The following ENTPD5 variants were observed in gnomAD, a reference collection of about 807,000 sequenced individuals.
The protein encoded by ENTPD5 is nucleoside diphosphate phosphatase ENTPD5.
In ENTPD5, 49 loss-of-function variants were observed where a neutral mutation model predicts 60.2. The observed-to-expected ratio is 0.81, with a 90% CI of 0.65 to 1.03. The LOEUF (loss-of-function observed/expected upper bound fraction) is 1.03. Among genes scored for constraint, ENTPD5 ranks in the 50% least tolerant of loss-of-function variants. The pLI, the probability that ENTPD5 is intolerant of heterozygous loss-of-function variation, is 0.00. For synonymous variants in ENTPD5, 187 were observed against 185.4 expected, an observed-to-expected ratio of 1.01 and a Z score of -0.07; for missense variants, 480 against 507.6, an observed-to-expected ratio of 0.95 and a Z score of 0.52.
At chr14:74,014,481 G>T (rs2058951470) in intron 2 of ENTPD5, among the ~76,000 whole-genome samples, 1 of 152,118 alleles carries the variant, frequency 6.6e-6, no homozygotes, top group East Asian at 1.9e-4. Context: ...ACCCCAGAAG[G>T]TTAAGGCTGC....
downstream of ENTPD5, chr14:73,961,571 GT>G: frequency 6.2e-7 from 1 of 1,614,086 alleles, no homozygotes; most frequent in Non-Finnish European, 8.5e-7. Flanking sequence ...AAGGACTTAG[GT>G]AAGGATTCAG....
intron 13 of ENTPD5, 32 bp downstream of exon 13, chr14:73,972,851 TC>T: frequency 6.2e-7 from 1 of 1,611,036 alleles, no homozygotes; most frequent in Non-Finnish European, 8.5e-7. Flanking sequence ...CTATCCACCT[TC>T]CTCTCTGGAC....
chr14:73,973,718 T>G (rs748103709), intron 12 of ENTPD5, among the ~76,000 whole-genome samples, 159 bp downstream of exon 12: 1 of 152,246 alleles, frequency 6.6e-6, no homozygotes, highest in Non-Finnish European at 1.5e-5. Context: ...CTTTGTTCAC[T>G]GTCACTTCAC....
At position 73,996,020 on chromosome 14, in the gene ENTPD5, C is replaced by T. The variant is rs375826627; in HGVS notation, c.-70-7848G>A. 282 of 371,808 alleles carry T rather than the reference C, an allele frequency of 7.6e-4. 4 individuals carry two copies. The South Asian group carries it at 0.029, about 38-fold the overall frequency. The allele number at this position is 371,808 out of a possible 1,614,324, so 23.0% of individuals were successfully genotyped here. ...TCCTCCCCACTCAGCTTTCCCAGAA[C>T]GTCACACTCTGGCTTCCCTTCTTCC... On this transcript the variant is annotated intron_variant, in intron 3 of 15. Transcript: ENST00000334696.
downstream of ENTPD5, chr14:73,959,594 T>C (rs2056613790): frequency 6.2e-7 from 1 of 1,606,300 alleles, no homozygotes; most frequent in African/African-American, 1.3e-5. Flanking sequence ...TTTTTTTTTT[T>C]GAAACGGATC....
intron 5 of ENTPD5, 30 bp from the exon 6 acceptor site, chr14:73,983,191 G>C (rs765095284): frequency 7.5e-6 from 12 of 1,592,448 alleles, no homozygotes; most frequent in Non-Finnish European, 1.0e-5. Context: ...TTCATCTGAT[G>C]AACGATCCAT....
intron 3 of ENTPD5, among the ~76,000 whole-genome samples, chr14:73,989,832 CAAAAAAAAAA>C (rs57558687): frequency 5.7e-5 from 3 of 52,360 alleles, no homozygotes; most frequent in African/African-American, 8.5e-5. Flanking sequence ...GACTCAGTCT[CAAAAAAAAAA>C]AAAAAAAAAA....
chr14:74,000,217 G>A lies in ENTPD5; in HGVS notation c.-71+10874C>T, dbSNP rs59645412. ...CACGTCTGTAATCCTAGCACTTTGGGAGGCCAAGGCAGGCAGATTGCTTGA... is the reference window on the plus strand; with the variant it reads ...CACGTCTGTAATCCTAGCACTTTGGAAGGCCAAGGCAGGCAGATTGCTTGA... On this transcript the variant is annotated intron_variant, in intron 3 of 15. Transcript: ENST00000334696. 1.6e-3 allele frequency among the ~76,000 whole-genome samples: 236 copies of A among 152,050 alleles called. 5 individuals are homozygous for A. Among genetic ancestry groups the A allele is most frequent in the African/African-American group, 5.5e-3 (229 of 41,424 alleles).
Position 73,967,018 on chromosome 14 carries a change from T to C in ENTPD5, c.1201-4A>G. 1.2e-6 allele frequency: 2 copies of C among 1,613,250 alleles called. No homozygotes were observed. Among genetic ancestry groups the C allele is most frequent in the Non-Finnish European group, 1.7e-6 (2 of 1,179,310 alleles). On this transcript the variant is annotated splice_region_variant and splice_polypyrimidine_tract_variant and intron_variant, in intron 15 of 15. Coordinates refer to ENST00000334696, the MANE Select transcript of ENTPD5 (RefSeq NM_001249.5). The stretch of plus-strand genomic sequence containing the variant: ...TGTTGTTCACTTTCTTTGTGAGCTG[T>C]TGAGAAGAAAAAAAGTCTTCACCTT...
chr14:74,018,251 TCAGAAA>T (rs1385933220), intron 1 of ENTPD5, among the ~76,000 whole-genome samples: 1 of 151,530 alleles, frequency 6.6e-6, no homozygotes, highest in Non-Finnish European at 1.5e-5. Context: ...AAACAGAAAT[TCAGAAA>T]CAGAAACTAT....
At chr14:73,969,255 G>C (rs114531848) in intron 15 of ENTPD5, among the ~76,000 whole-genome samples, 1,925 of 152,296 alleles carry the variant, frequency 0.013, 19 homozygotes, top group South Asian at 0.03. Context: ...TAGCAGCAGA[G>C]ACAGGCAGGA....
At chr14:73,974,870 G>A (rs201577440) in intron 11 of ENTPD5, 54 bp downstream of exon 11, 191 of 1,378,048 alleles carry the variant, frequency 1.4e-4, no homozygotes, top group African/African-American at 2.3e-4. Flanking sequence ...AGAAGCAAGC[G>A]GAGTATCTGT....
intron 3 of ENTPD5, among the ~76,000 whole-genome samples, chr14:74,006,518 C>T (rs1318152757): frequency 4.0e-5 from 6 of 151,214 alleles, no homozygotes; most frequent in Admixed American, 2.0e-4. Context: ...CTCCTGACCT[C>T]GTGATCCGCC....
At chr14:73,968,653 T>A (rs1470159337) in intron 15 of ENTPD5, among the ~76,000 whole-genome samples, 1 of 151,986 alleles carries the variant, frequency 6.6e-6, no homozygotes, top group Middle Eastern at 3.2e-3. Flanking sequence ...CTCGAACTCC[T>A]GACCTCAGGT....
intron 3 of ENTPD5, among the ~76,000 whole-genome samples, chr14:74,008,064 C>T (rs927213609): frequency 6.6e-6 from 1 of 151,866 alleles, no homozygotes; most frequent in Non-Finnish European, 1.5e-5. Flanking sequence ...GAACTCCTGA[C>T]CTCAAGTGAT....
intron 2 of ENTPD5, among the ~76,000 whole-genome samples, chr14:74,015,551 C>T (rs893803103): frequency 6.6e-6 from 1 of 151,832 alleles, no homozygotes; most frequent in Admixed American, 6.6e-5. Flanking sequence ...CAGGGTTTTG[C>T]CATGTTGTCC....
At chr14:73,958,606 T>C (rs1176107830), downstream of ENTPD5, 1 of 1,287,944 alleles carries the variant, frequency 7.8e-7, no homozygotes, top group Non-Finnish European at 9.9e-7. Flanking sequence ...TTCTCCTTTC[T>C]GCTCACAAGC....
intron 6 of ENTPD5, among the ~76,000 whole-genome samples, chr14:73,982,814 A>T (rs924644036): frequency 1.8e-4 from 28 of 152,180 alleles, no homozygotes; most frequent in African/African-American, 6.8e-4. Flanking sequence ...AGTACTTTAA[A>T]TTTTTTAGGA....
At chr14:73,975,848 C>T (rs2057418669) in intron 10 of ENTPD5, 88 bp downstream of exon 10, 2 of 1,142,988 alleles carry the variant, frequency 1.7e-6, no homozygotes, top group Admixed American at 4.1e-5. Flanking sequence ...TTTTGCTAAT[C>T]AGATACAATA....
Sources: allele counts gnomAD v4.1 joint callset (sites outside exome capture counted in the v4.1 genomes callset), GRCh38; gene constraint gnomAD v4.1.1; transcripts MANE v1.5; gene names NCBI Gene and HGNC (gene_info 2026-07-23, HGNC 2026-07-21).